Variants in CDC42BPA observed in about 807,000 individuals in gnomAD.
The protein encoded by CDC42BPA is CDC42 binding protein kinase alpha.
A neutral mutation model predicts 223.5 loss-of-function variants in CDC42BPA; 80 were observed. That is an observed-to-expected ratio of 0.36 (90% CI 0.30 to 0.43). The LOEUF (loss-of-function observed/expected upper bound fraction) is 0.43, where lower values mean the gene tolerates loss of function less well. CDC42BPA is among the 20% of genes least tolerant of loss of function. The pLI, the probability that CDC42BPA is intolerant of heterozygous loss-of-function variation, is 1.00. For missense variants in CDC42BPA, 1,743 were observed against 2,099.9 expected (o/e 0.83, Z 3.32); for synonymous variants, 694 against 718.6 (o/e 0.97, Z 0.55).
chr1:227,175,280 C>T (rs915520032), intron 5 of CDC42BPA, among the ~76,000 whole-genome samples: 3 of 151,994 alleles, frequency 2.0e-5, no homozygotes, highest in South Asian at 2.1e-4. Context: ...GTTGCAGCAA[C>T]CTATTAACCA....
At chr1:227,064,230 T>G (rs149399314) in intron 21 of CDC42BPA, among the ~76,000 whole-genome samples, 1 of 152,346 alleles carries the variant, frequency 6.6e-6, no homozygotes, top group African/African-American at 2.4e-5. Context: ...CATTCTCATT[T>G]TCCAGGCAAA....
chr1:227,012,217 A>G (rs1454325999), intron 34 of CDC42BPA, among the ~76,000 whole-genome samples: 1 of 152,190 alleles, frequency 6.6e-6, no homozygotes, highest in African/African-American at 2.4e-5. Flanking sequence ...GAGAAATGTA[A>G]TGTGCTAAAA....
At chr1:227,239,119 T>C (rs941377376) in intron 2 of CDC42BPA, among the ~76,000 whole-genome samples, 2 of 152,226 alleles carry the variant, frequency 1.3e-5, no homozygotes, top group East Asian at 1.9e-4. Context: ...TATCAAGCCA[T>C]TTAAAGATGT....
intron 14 of CDC42BPA, among the ~76,000 whole-genome samples, chr1:227,102,365 G>A (rs865919750): frequency 3.3e-5 from 5 of 152,222 alleles, no homozygotes; most frequent in South Asian, 4.1e-4. Context: ...AGCCTAACAT[G>A]CAAAAGTCTG....
intron 5 of CDC42BPA, 150 bp from the exon 6 acceptor site, chr1:227,160,786 G>T: frequency 1.8e-5 from 10 of 546,096 alleles, no homozygotes; most frequent in East Asian, 9.6e-5. Context: ...TTCAAATCCT[G>T]GTTCTGATTC....
chr1:226,990,933 G>A lies in CDC42BPA; in HGVS notation c.*3335C>T, dbSNP rs908944670. On this transcript the variant is annotated 3_prime_UTR_variant, in exon 37 of 37. Transcript: ENST00000366766. ...AAACCAAATAGATGGGCTCCTTTTA[G>A]TTGTATCTCATAGCCTTAAAGCTGT... The A allele has an allele frequency of 2.0e-5, 3 of 152,548 alleles. No homozygotes were observed. The highest frequency in any genetic ancestry group is 4.4e-5 in the Non-Finnish European group (3 of 68,026). 9.4% of individuals were successfully genotyped at this position (152,548 alleles called of 1,614,324 possible).
chr1:227,102,663 T>C lies in CDC42BPA; in HGVS notation c.2002-1424A>G, dbSNP rs191624945. 1.9e-3 allele frequency among the ~76,000 whole-genome samples: 291 copies of C among 152,158 alleles called. 1 individual carries two copies. Among genetic ancestry groups the C allele is most frequent in the Admixed American group, 4.5e-3 (69 of 15,246 alleles). On this transcript the variant is annotated intron_variant, in intron 14 of 36. Transcript: ENST00000366766. ...GTTACAGATGCATATCACTTATTGA[T>C]AAGAATGTGAAAAGCCAAATAGAAC...
chr1:227,251,803 CA>C (rs1352668994), intron 2 of CDC42BPA, among the ~76,000 whole-genome samples: 3 of 152,070 alleles, frequency 2.0e-5, no homozygotes, highest in Admixed American at 6.5e-5. Context: ...CTGATATTTA[CA>C]GAACACTGCA....
intron 1 of CDC42BPA, among the ~76,000 whole-genome samples, chr1:227,286,539 T>C (rs1688834475): frequency 6.6e-6 from 1 of 152,198 alleles, no homozygotes; most frequent in African/African-American, 2.4e-5. Flanking sequence ...ACTTGCCCTG[T>C]CTTCCTATCA....
At chr1:227,233,916 G>A (rs1678505143) in intron 2 of CDC42BPA, among the ~76,000 whole-genome samples, 1 of 152,190 alleles carries the variant, frequency 6.6e-6, no homozygotes, top group South Asian at 2.1e-4. Flanking sequence ...CTGGGTGACA[G>A]GACGAGACTC....
intron 14 of CDC42BPA, among the ~76,000 whole-genome samples, chr1:227,106,663 A>G (rs957157589): frequency 1.3e-5 from 2 of 152,158 alleles, no homozygotes; most frequent in Non-Finnish European, 2.9e-5. Context: ...AGAATCCATT[A>G]TCAAATCCAA....
intron 35 of CDC42BPA, among the ~76,000 whole-genome samples, chr1:226,997,316 T>C (rs1661832064): frequency 6.6e-6 from 1 of 152,146 alleles, no homozygotes; most frequent in Admixed American, 6.5e-5. Flanking sequence ...CCTTTATCAT[T>C]TTTTTATTAT....
At chr1:226,999,026 A>G (rs1253827409) in intron 35 of CDC42BPA, among the ~76,000 whole-genome samples, 1 of 152,222 alleles carries the variant, frequency 6.6e-6, no homozygotes, top group Non-Finnish European at 1.5e-5. Flanking sequence ...TTATGCGGCC[A>G]AGAAACATAC....
chr1:227,126,904 G>T (rs193077373), intron 11 of CDC42BPA, among the ~76,000 whole-genome samples: 28 of 152,214 alleles, frequency 1.8e-4, no homozygotes, highest in Admixed American at 5.9e-4. Context: ...TTAACACAGT[G>T]CTGCAAGTTC....
rs578012884 is a variant in CDC42BPA at position 227,116,798 on chromosome 1, G to C, written c.1647+3006C>G. 2.6e-5 allele frequency among the ~76,000 whole-genome samples: 4 copies of C among 152,246 alleles called. No individual in the cohort carries two copies. The South Asian group carries it at 8.3e-4, about 32-fold the overall frequency. On this transcript the variant is annotated intron_variant, in intron 12 of 36. Coordinates refer to ENST00000366766, the MANE Select transcript of CDC42BPA (RefSeq NM_001394014.1). ...ACTGATTTAGTAGTGAGAAAACTAA[G>C]AGATTTACCTTCTGGAGGTTATGTG...
Position 227,048,024 on chromosome 1 carries a change from C to CA in CDC42BPA, c.3010-15dup. 1 of 1,508,762 alleles carries CA rather than the reference C, an allele frequency of 6.6e-7. No homozygotes were observed. Among genetic ancestry groups the CA allele is most frequent in the Non-Finnish European group, 9.1e-7 (1 of 1,102,102 alleles). 93.5% of individuals were successfully genotyped at this position (1,508,762 alleles called of 1,614,324 possible). ...GGAGTCTACAGTCTGAACCCAGGAGCAAAAAAGGAAATAAATGTCATGAAA... is the reference window on the plus strand; with the variant it reads ...GGAGTCTACAGTCTGAACCCAGGAGCAAAAAAAGGAAATAAATGTCATGAAA... On this transcript the variant is annotated splice_polypyrimidine_tract_variant and intron_variant, in intron 22 of 36. Transcript: ENST00000366766.
At chr1:227,074,385 G>A in intron 17 of CDC42BPA, 21 bp from the exon 18 acceptor site, 2 of 1,557,058 alleles carry the variant, frequency 1.3e-6, no homozygotes, top group Non-Finnish European at 1.8e-6. Flanking sequence ...TAAAGACAAA[G>A]TACAAAAGTA....
chr1:226,992,510 G>T lies in CDC42BPA; in HGVS notation c.*1758C>A, dbSNP rs1660878696. 6.6e-6 allele frequency: 1 copy of T among 152,384 alleles called. No homozygotes were observed. Among genetic ancestry groups the T allele is most frequent in the Non-Finnish European group, 1.5e-5 (1 of 68,088 alleles). The allele number at this position is 152,384 out of a possible 1,614,324, so 9.4% of individuals were successfully genotyped here. On this transcript the variant is annotated 3_prime_UTR_variant, in exon 37 of 37. Transcript: ENST00000366766. ...AGCTCCCTGCACATGCCGCAGGCCAGCATGGTGGCCACCTCAGTGACACGC... is the reference window on the plus strand; with the variant it reads ...AGCTCCCTGCACATGCCGCAGGCCATCATGGTGGCCACCTCAGTGACACGC...
chr1:227,052,131 G>C (rs775308981), intron 21 of CDC42BPA, 146 bp from the exon 22 acceptor site: 28 of 406,326 alleles, frequency 6.9e-5, no homozygotes, highest in Non-Finnish European at 1.1e-4. Context: ...TTCACGTTAG[G>C]GATACATCAT....
Sources: allele counts gnomAD v4.1 joint callset (sites outside exome capture counted in the v4.1 genomes callset), GRCh38; gene constraint gnomAD v4.1.1; transcripts MANE v1.5; gene names NCBI Gene and HGNC (gene_info 2026-07-23, HGNC 2026-07-21).